Variants in GFRA1 observed in about 807,000 individuals in gnomAD.
GFRA1 encodes GDNF family receptor alpha-1.
GFRA1 carries 16 observed loss-of-function variants against 51.6 expected under a neutral mutation model. The observed-to-expected ratio is 0.31, with a 90% CI of 0.21 to 0.47. The LOEUF (loss-of-function observed/expected upper bound fraction) is 0.47. GFRA1 is among the 20% of genes least tolerant of loss of function. The pLI is 1.00. For missense variants in GFRA1, 530 were observed against 594.3 expected, an observed-to-expected ratio of 0.89 and a Z score of 1.13; for synonymous variants, 270 against 241.3, an observed-to-expected ratio of 1.12 and a Z score of -1.10.
At chr10:116,216,043 C>T (rs1219213102) in intron 4 of GFRA1, among the ~76,000 whole-genome samples, 2 of 152,144 alleles carry the variant, frequency 1.3e-5, no homozygotes, top group African/African-American at 2.4e-5. Flanking sequence ...GAATGAGCAT[C>T]GAGGATATTT....
chr10:116,190,214 C>A (rs148489104), intron 5 of GFRA1, among the ~76,000 whole-genome samples: 1 of 152,230 alleles, frequency 6.6e-6, no homozygotes, highest in South Asian at 2.1e-4. Context: ...CCCCTGCACT[C>A]ATAAAGCCAA....
chr10:116,141,181 G>A (rs1483520810), intron 5 of GFRA1, among the ~76,000 whole-genome samples: 1 of 152,194 alleles, frequency 6.6e-6, no homozygotes, highest in African/African-American at 2.4e-5. Context: ...AATGGCTTGT[G>A]CTGGATAATG....
intron 4 of GFRA1, among the ~76,000 whole-genome samples, chr10:116,250,671 T>G (rs992083108): frequency 1.3e-5 from 2 of 152,166 alleles, no homozygotes; most frequent in Non-Finnish European, 2.9e-5. Flanking sequence ...AATTCTAGGA[T>G]AGTGAAACGC....
chr10:116,068,110 C>T (rs962565398), intron 9 of GFRA1, among the ~76,000 whole-genome samples: 1 of 152,198 alleles, frequency 6.6e-6, no homozygotes, highest in Non-Finnish European at 1.5e-5. Flanking sequence ...GAATACGCAG[C>T]CAGATCCCTA....
intron 6 of GFRA1, among the ~76,000 whole-genome samples, chr10:116,113,039 G>A (rs1430908925): frequency 6.6e-6 from 1 of 152,186 alleles, no homozygotes; most frequent in African/African-American, 2.4e-5. Context: ...CAGTCTCAGG[G>A]AACCTCGTAG....
At chr10:116,109,931 C>T (rs1207003380) in intron 6 of GFRA1, among the ~76,000 whole-genome samples, 1 of 152,136 alleles carries the variant, frequency 6.6e-6, no homozygotes, top group African/African-American at 2.4e-5. Context: ...CCAGTATCTC[C>T]TCCACAGGCA....
At chr10:116,215,326 T>C (rs1965485075) in intron 4 of GFRA1, among the ~76,000 whole-genome samples, 4 of 152,214 alleles carry the variant, frequency 2.6e-5, no homozygotes, top group Admixed American at 6.5e-5. Flanking sequence ...TCAAAGGATA[T>C]TAGCCATTGA....
At chr10:116,086,931 C>T (rs1411456932) in intron 9 of GFRA1, among the ~76,000 whole-genome samples, 1 of 152,232 alleles carries the variant, frequency 6.6e-6, no homozygotes, top group East Asian at 1.9e-4. Flanking sequence ...GATTCTCTTG[C>T]CTCAGCTTCC....
At chr10:116,165,687 A>ACACACACACT (rs1278796028) in intron 5 of GFRA1, among the ~76,000 whole-genome samples, 2 of 150,558 alleles carry the variant, frequency 1.3e-5, no homozygotes. Flanking sequence ...ACACACACAC[A>ACACACACACT]CTCACAAGAG....
At chr10:116,239,144 T>C (rs1161560932) in intron 4 of GFRA1, among the ~76,000 whole-genome samples, 1 of 152,226 alleles carries the variant, frequency 6.6e-6, no homozygotes. Flanking sequence ...TCATTTAAAA[T>C]GTTTATATTT....
chr10:116,108,914 T>C (rs1957096684), intron 6 of GFRA1, among the ~76,000 whole-genome samples: 1 of 152,210 alleles, frequency 6.6e-6, no homozygotes, highest in South Asian at 2.1e-4. Flanking sequence ...AATGAACGAA[T>C]CTGACTGCCA....
At chr10:116,260,305 T>A (rs1969203909) in intron 4 of GFRA1, among the ~76,000 whole-genome samples, 1 of 152,202 alleles carries the variant, frequency 6.6e-6, no homozygotes, top group Non-Finnish European at 1.5e-5. Context: ...AAGATCTTTT[T>A]GAGGCAAAAT....
intron 5 of GFRA1, among the ~76,000 whole-genome samples, chr10:116,198,972 A>G (rs1173375002): frequency 1.3e-5 from 2 of 152,174 alleles, no homozygotes; most frequent in Non-Finnish European, 2.9e-5. Flanking sequence ...ACATACAGAG[A>G]CAAAGACCAT....
At chr10:116,195,439 C>T (rs1963650843) in intron 5 of GFRA1, among the ~76,000 whole-genome samples, 1 of 152,150 alleles carries the variant, frequency 6.6e-6, no homozygotes, top group Non-Finnish European at 1.5e-5. Flanking sequence ...GGGGGTATTG[C>T]TTAAGGATGA....
chr10:116,093,626 A>G, intron 8 of GFRA1, 76 bp downstream of exon 8: 1 of 1,291,480 alleles, frequency 7.7e-7, no homozygotes, highest in Non-Finnish European at 1.1e-6. Flanking sequence ...TACAGGCACA[A>G]GGTACAAGAG....
At chr10:116,187,648 T>C (rs1962851395) in intron 5 of GFRA1, among the ~76,000 whole-genome samples, 1 of 152,172 alleles carries the variant, frequency 6.6e-6, no homozygotes, top group African/African-American at 2.4e-5. Flanking sequence ...TTAACTGTGT[T>C]TTCTTTAGGT....
intron 4 of GFRA1, among the ~76,000 whole-genome samples, chr10:116,242,419 T>G (rs1967468908): frequency 6.6e-6 from 1 of 152,138 alleles, no homozygotes; most frequent in Non-Finnish European, 1.5e-5. Flanking sequence ...AGCTAAACAA[T>G]ATACACTAAA....
chr10:116,236,309 G>T (rs1404900399), intron 4 of GFRA1, among the ~76,000 whole-genome samples: 4 of 152,034 alleles, frequency 2.6e-5, no homozygotes, highest in African/African-American at 9.7e-5. Context: ...AGGAACCACA[G>T]AACTGGAAAC....
At chr10:116,107,644 T>C (rs1480664658) in intron 6 of GFRA1, among the ~76,000 whole-genome samples, 2 of 152,134 alleles carry the variant, frequency 1.3e-5, no homozygotes, top group Admixed American at 6.5e-5. Flanking sequence ...GTGGACCCTC[T>C]ACTGGTCTGG....
Sources: allele counts gnomAD v4.1 joint callset (sites outside exome capture counted in the v4.1 genomes callset), GRCh38; gene constraint gnomAD v4.1.1; transcripts MANE v1.5; gene names NCBI Gene and HGNC (gene_info 2026-07-23, HGNC 2026-07-21).